Variants in GALNT16 observed in about 807,000 individuals in gnomAD.
GALNT16 encodes the protein UDP-GalNAc:polypeptide N-acetylgalactosaminyltransferase-like protein 1.
GALNT16 carries 40 observed loss-of-function variants against 76.1 expected under a neutral mutation model. That is an observed-to-expected ratio of 0.53 (90% CI 0.41 to 0.68). The LOEUF (loss-of-function observed/expected upper bound fraction) is 0.68. Among genes scored for constraint, GALNT16 ranks in the 30% least tolerant of loss-of-function variants. The pLI, the probability that GALNT16 is intolerant of heterozygous loss-of-function variation, is 0.00. For missense variants in GALNT16, 621 were observed against 731.9 expected, an observed-to-expected ratio of 0.85 and a Z score of 1.75; for synonymous variants, 276 against 285.2, an observed-to-expected ratio of 0.97 and a Z score of 0.32.
rs375856637 is a variant in GALNT16 at position 69,341,601 on chromosome 14, G to A, written c.1188-80G>A. ...TGCCTGCCTGAGATAGTTGGGGCTG[G>A]GGGACAGGCCTCTGGCATCCTCCCT... On this transcript the variant is annotated intron_variant, in intron 11 of 14. Transcript: ENST00000448469. The A allele has an allele frequency of 3.9e-4, 339 of 874,562 alleles. 6 individuals are homozygous for A. The South Asian group carries it at 4.4e-3, about 11-fold the overall frequency. 54.2% of individuals were successfully genotyped at this position (874,562 alleles called of 1,614,324 possible).
At chr14:69,331,687 G>A (rs2045355076) in intron 7 of GALNT16, 136 bp downstream of exon 7, 4 of 670,164 alleles carry the variant, frequency 6.0e-6, no homozygotes, top group Middle Eastern at 3.4e-4. Context: ...CACCTCCAAA[G>A]AGAAAATGAA....
chr14:69,336,259 A>G (rs1566885800), intron 9 of GALNT16, among the ~76,000 whole-genome samples: 1 of 151,990 alleles, frequency 6.6e-6, no homozygotes, highest in Admixed American at 6.6e-5. Flanking sequence ...ACAGGCACAC[A>G]CCACCAGGCC....
chr14:69,341,368 T>C (rs2045482661), intron 11 of GALNT16, among the ~76,000 whole-genome samples: 1 of 152,242 alleles, frequency 6.6e-6, no homozygotes, highest in African/African-American at 2.4e-5. Flanking sequence ...GACCAGTTCA[T>C]GGTCTGCTAA....
rs373770233 is a variant in GALNT16 at position 69,305,104 on chromosome 14, A to G, written c.178-15607A>G. ...CCACTGAAAGCGTGCAGGAGTTCCA[A>G]TTTCTCCACATCCTCACCAACACTT... On this transcript the variant is annotated intron_variant, in intron 1 of 14. Coordinates refer to ENST00000448469, the MANE Select transcript of GALNT16 (RefSeq NM_001168368.2). Among the ~76,000 whole-genome samples the G allele has an allele frequency of 3.4e-5, 5 of 148,040 alleles. No homozygotes were observed. In the East Asian group the frequency reaches 5.9e-4, roughly 18 times the overall value.
At chr14:69,307,269 G>T in intron 1 of GALNT16, among the ~76,000 whole-genome samples, 1 of 152,036 alleles carries the variant, frequency 6.6e-6, no homozygotes, top group Non-Finnish European at 1.5e-5. Flanking sequence ...ACTTTTTCAC[G>T]TGACAAACGT....
the GALNT16 span, among the ~76,000 whole-genome samples, chr14:69,380,849 G>A: frequency 6.6e-6 from 1 of 152,164 alleles, no homozygotes; most frequent in African/African-American, 2.4e-5. Flanking sequence ...AGTGGAAAAA[G>A]AAAACATGAC....
At chr14:69,293,794 T>A (rs1594827620) in intron 1 of GALNT16, among the ~76,000 whole-genome samples, 1 of 152,208 alleles carries the variant, frequency 6.6e-6, no homozygotes, top group East Asian at 1.9e-4. Flanking sequence ...GCATTAGTTA[T>A]TCCCAGGACC....
chr14:69,276,427 A>G (rs1469937551), intron 1 of GALNT16, among the ~76,000 whole-genome samples: 1 of 152,152 alleles, frequency 6.6e-6, no homozygotes, highest in Non-Finnish European at 1.5e-5. Context: ...GCACGCCTGT[A>G]ATCCCAGCAC....
At chr14:69,357,678 C>A (rs1189408618), downstream of GALNT16, 5 of 152,224 alleles carry the variant, frequency 3.3e-5, no homozygotes, top group Admixed American at 6.5e-5. Flanking sequence ...TTCTGATCCC[C>A]TCAAGCCATC....
intron 1 of GALNT16, among the ~76,000 whole-genome samples, chr14:69,318,785 T>C (rs1317613296): frequency 6.6e-6 from 1 of 152,212 alleles, no homozygotes; most frequent in Non-Finnish European, 1.5e-5. Context: ...TTTTAGCTCC[T>C]TTGCCATCAA....
At position 69,328,523 on chromosome 14, in the gene GALNT16, C is replaced by T. The variant is rs758352543; in HGVS notation, c.642C>T (p.Cys214=). The T allele has an allele frequency of 5.6e-6, 9 of 1,613,776 alleles. No individual in the cohort carries two copies. Among genetic ancestry groups the T allele is most frequent in the East Asian group, 4.5e-5 (2 of 44,870 alleles). ...ATVLTFLDSH[C]EVNTEWLPPM... ...TTCTCACCTTTCTGGATAGCCACTG[C>T]GAAGTGAACACCGAGTGGCTGCCGC... The change falls in exon 6 of 15, where the codon TGC becomes TGT. Residue 214 remains cysteine, a synonymous_variant. Coordinates refer to ENST00000448469, the MANE Select transcript of GALNT16 (RefSeq NM_001168368.2).
intron 1 of GALNT16, among the ~76,000 whole-genome samples, chr14:69,308,878 T>C (rs2044976203): frequency 6.6e-6 from 1 of 152,246 alleles, no homozygotes; most frequent in African/African-American, 2.4e-5. Flanking sequence ...CATTCACCAA[T>C]GTATAAAAGC....
chr14:69,307,095 C>T (rs2044946422), intron 1 of GALNT16, among the ~76,000 whole-genome samples: 1 of 152,268 alleles, frequency 6.6e-6, no homozygotes, highest in South Asian at 2.1e-4. Context: ...CAGGGTAGCT[C>T]ATCTCCTGGG....
chr14:69,341,596 G>T (rs1440437242), intron 11 of GALNT16, 85 bp from the exon 12 acceptor site: 6 of 831,720 alleles, frequency 7.2e-6, no homozygotes, highest in Non-Finnish European at 1.2e-5. Flanking sequence ...AGATAGTTGG[G>T]GCTGGGGGAC....
intron 10 of GALNT16, 53 bp from the exon 11 acceptor site, chr14:69,339,474 C>G (rs2045456683): frequency 1.9e-6 from 2 of 1,054,626 alleles, no homozygotes; most frequent in African/African-American, 3.1e-5. Context: ...ATCCTGACCG[C>G]TAACCCTGTT....
At chr14:69,367,106 C>T in the GALNT16 span, among the ~76,000 whole-genome samples, 52 of 152,190 alleles carry the variant, frequency 3.4e-4, no homozygotes, top group African/African-American at 1.2e-3. Context: ...CTTGTGGAAT[C>T]GCAAGAAGTG....
intron 9 of GALNT16, among the ~76,000 whole-genome samples, chr14:69,334,283 C>T (rs2045390635): frequency 1.3e-5 from 2 of 152,224 alleles, no homozygotes; most frequent in African/African-American, 4.8e-5. Context: ...GACCCTCACA[C>T]ACTTGCTTCT....
chr14:69,290,563 T>C (rs2044676250), intron 1 of GALNT16, among the ~76,000 whole-genome samples: 1 of 152,198 alleles, frequency 6.6e-6, no homozygotes, highest in Non-Finnish European at 1.5e-5. Flanking sequence ...TTGAAAAGGT[T>C]GCAAAAATAG....
At chr14:69,363,179 G>A in the GALNT16 span, among the ~76,000 whole-genome samples, 1 of 152,190 alleles carries the variant, frequency 6.6e-6, no homozygotes, top group Non-Finnish European at 1.5e-5. Context: ...TGCAGGCTGC[G>A]GAGACAGTCC....
Sources: allele counts gnomAD v4.1 joint callset (sites outside exome capture counted in the v4.1 genomes callset), GRCh38; gene constraint gnomAD v4.1.1; transcripts MANE v1.5; gene names NCBI Gene and HGNC (gene_info 2026-07-23, HGNC 2026-07-21).